Variants in VEPH1 observed in about 807,000 individuals in gnomAD.
VEPH1 encodes the protein ventricular zone-expressed PH domain-containing protein homolog 1.
In VEPH1, 80 loss-of-function variants were observed where a neutral mutation model predicts 85.2. The ratio of observed to expected loss-of-function variants is 0.94; its 90% CI spans 0.78 to 1.13. The LOEUF (loss-of-function observed/expected upper bound fraction) is 1.13. Among genes scored for constraint, VEPH1 ranks in the 50% most tolerant of loss-of-function variants. The pLI is 0.00. For synonymous variants in VEPH1, 297 were observed against 348.0 expected (o/e 0.85, Z 1.63); for missense variants, 955 against 980.5 (o/e 0.97, Z 0.35).
chr3:157,371,956 A>G (rs1000407288), intron 7 of VEPH1, among the ~76,000 whole-genome samples: 5 of 152,226 alleles, frequency 3.3e-5, no homozygotes, highest in Non-Finnish European at 5.9e-5. Context: ...ACCCAGATAT[A>G]ACACAAGTTA....
intron 3 of VEPH1, among the ~76,000 whole-genome samples, chr3:157,468,811 A>C (rs1473794268): frequency 1.3e-5 from 2 of 152,010 alleles, no homozygotes; most frequent in African/African-American, 4.8e-5. Flanking sequence ...CCATCTTTGC[A>C]ATTTTTAAGT....
chr3:157,386,981 G>C (rs1729370792), intron 6 of VEPH1, among the ~76,000 whole-genome samples: 1 of 152,212 alleles, frequency 6.6e-6, no homozygotes, highest in Non-Finnish European at 1.5e-5. Flanking sequence ...ATGAACTCAG[G>C]ATCAGGAGTC....
chr3:157,437,789 G>A (rs1324893689), intron 4 of VEPH1: 2 of 1,464,732 alleles, frequency 1.4e-6, no homozygotes, highest in Middle Eastern at 2.4e-4. Context: ...CGTATGGAGG[G>A]CGCGGAGGCG....
chr3:157,386,565 C>T (rs1292818847), intron 6 of VEPH1, among the ~76,000 whole-genome samples: 1 of 152,094 alleles, frequency 6.6e-6, no homozygotes. Context: ...TGTCTGGAGA[C>T]ATTTTTGTCA....
intron 11 of VEPH1, among the ~76,000 whole-genome samples, chr3:157,312,431 A>G (rs570422564): frequency 3.9e-5 from 6 of 152,154 alleles, no homozygotes; most frequent in South Asian, 2.1e-4. Flanking sequence ...TCCCAAATCC[A>G]TATCTCCAGT....
intron 2 of VEPH1, among the ~76,000 whole-genome samples, chr3:157,487,025 A>G (rs1738718787): frequency 1.3e-5 from 2 of 152,118 alleles, no homozygotes; most frequent in Admixed American, 1.3e-4. Flanking sequence ...GTTACTTAGC[A>G]AGAAATTTAT....
At chr3:157,429,287 T>G (rs955371332) in intron 4 of VEPH1, among the ~76,000 whole-genome samples, 4 of 152,222 alleles carry the variant, frequency 2.6e-5, no homozygotes, top group Non-Finnish European at 5.9e-5. Context: ...AAGAATTTTT[T>G]TGACTCTACT....
At chr3:157,262,752 T>G (rs1013282970) in intron 13 of VEPH1, among the ~76,000 whole-genome samples, 10 of 152,186 alleles carry the variant, frequency 6.6e-5, no homozygotes, top group Non-Finnish European at 1.5e-4. Flanking sequence ...GATAAAAGTG[T>G]TGCTGCAACT....
At chr3:157,488,626 C>G (rs1738898659) in intron 2 of VEPH1, among the ~76,000 whole-genome samples, 1 of 151,432 alleles carries the variant, frequency 6.6e-6, no homozygotes, top group South Asian at 2.1e-4. Flanking sequence ...TCTGCACTCA[C>G]TCCCTTGGTG....
At chr3:157,410,413 C>T (rs930761232) in intron 6 of VEPH1, among the ~76,000 whole-genome samples, 1 of 152,166 alleles carries the variant, frequency 6.6e-6, no homozygotes, top group Admixed American at 6.5e-5. Context: ...TACTGGGCAT[C>T]TGCCTTCATG....
In VEPH1 at chr3:157,267,147, G is replaced by A. The variant is rs1251706942; in HGVS notation, c.2129-1485C>T. On this transcript the variant is annotated intron_variant, in intron 12 of 13. Coordinates refer to ENST00000362010, the MANE Select transcript of VEPH1 (RefSeq NM_001167912.2). ...AGTTTACTCTGTCACCGAGGCTGGA[G>A]TGCAGTGGCACGATCTCAGCTCATT... 2.1e-5 allele frequency among the ~76,000 whole-genome samples: 3 copies of A among 141,958 alleles called. No individual in the cohort carries two copies. The Admixed American group carries it at 2.2e-4, about 10-fold the overall frequency. 93.1% of individuals were successfully genotyped at this position (141,958 alleles called of 152,430 possible). A position where few individuals can be genotyped will look rare whatever the true frequency, so the allele number is the denominator to read the frequency against.
intron 11 of VEPH1, among the ~76,000 whole-genome samples, chr3:157,305,545 C>G (rs1357991267): frequency 6.6e-6 from 1 of 152,094 alleles, no homozygotes; most frequent in Non-Finnish European, 1.5e-5. Context: ...CTCTGCAATA[C>G]TTTTTGTGTT....
intron 1 of VEPH1, among the ~76,000 whole-genome samples, chr3:157,501,902 C>A (rs568945127): frequency 6.6e-6 from 1 of 152,274 alleles, no homozygotes; most frequent in South Asian, 2.1e-4. Context: ...AACTTAGACC[C>A]ATTTGGGCTC....
chr3:157,328,543 T>G (rs1035740639), intron 9 of VEPH1, among the ~76,000 whole-genome samples: 1 of 152,156 alleles, frequency 6.6e-6, no homozygotes, highest in Non-Finnish European at 1.5e-5. Context: ...TGAGAATAAA[T>G]TTCTCTGGGG....
chr3:157,428,222 G>A, intron 5 of VEPH1, 100 bp downstream of exon 5: 1 of 1,292,508 alleles, frequency 7.7e-7, no homozygotes, highest in Non-Finnish European at 1.0e-6. Flanking sequence ...ATGGGCATTT[G>A]TAAATGTATG....
At position 157,358,467 on chromosome 3, in the gene VEPH1, T is replaced by C. The variant is rs1443569746; in HGVS notation, c.1735+4897A>G. Among the ~76,000 whole-genome samples the C allele has an allele frequency of 5.3e-5, 8 of 152,328 alleles. 1 individual carries two copies. The South Asian group carries it at 1.7e-3, about 32-fold the overall frequency. ...CTGGCTCCAAATTTTACAACTTCAA[T>C]TCATGGATAAATTATCCTAATCCCA... On this transcript the variant is annotated intron_variant, in intron 9 of 13. Coordinates refer to ENST00000362010, the MANE Select transcript of VEPH1 (RefSeq NM_001167912.2).
At chr3:157,435,369 A>G (rs1162405849) in intron 4 of VEPH1, among the ~76,000 whole-genome samples, 4 of 152,232 alleles carry the variant, frequency 2.6e-5, no homozygotes, top group Non-Finnish European at 5.9e-5. Flanking sequence ...CAGATAGTAT[A>G]TATTTGAATT....
At chr3:157,477,938 G>A (rs1185208078) in intron 2 of VEPH1, among the ~76,000 whole-genome samples, 1 of 152,118 alleles carries the variant, frequency 6.6e-6, no homozygotes, top group Admixed American at 6.6e-5. Flanking sequence ...TATCAGAGAA[G>A]CTGTTTCCAT....
chr3:157,392,063 T>A (rs1729912488), intron 6 of VEPH1, among the ~76,000 whole-genome samples: 1 of 152,154 alleles, frequency 6.6e-6, no homozygotes, highest in African/African-American at 2.4e-5. Context: ...AGATCAGCCT[T>A]AGAAGAGATC....
Sources: gnomAD v4.1 joint callset for allele counts (sites outside exome capture counted in the v4.1 genomes callset) on GRCh38, gnomAD v4.1.1 for gene constraint, MANE v1.5 for transcripts, NCBI Gene and HGNC (gene_info 2026-07-23, HGNC 2026-07-21) for gene names.